PLCXD3: variants seen among roughly 807,000 people sequenced by gnomAD.
PLCXD3 encodes PI-PLC X domain-containing protein 3.
A neutral mutation model predicts 25.5 loss-of-function variants in PLCXD3; 19 were observed. That is an observed-to-expected ratio of 0.75 (90% CI 0.52 to 1.09). The LOEUF (loss-of-function observed/expected upper bound fraction) is 1.09. Among genes scored for constraint, PLCXD3 ranks in the 50% least tolerant of loss-of-function variants. The pLI is 0.00. For synonymous variants in PLCXD3, 174 were observed against 137.6 expected (o/e 1.26, Z -1.85); for missense variants, 411 against 388.1 (o/e 1.06, Z -0.50).
chr5:41,379,940 T>A (rs188557684), intron 2 of PLCXD3, among the ~76,000 whole-genome samples: 1 of 152,060 alleles, frequency 6.6e-6, no homozygotes, highest in East Asian at 1.9e-4. Flanking sequence ...CAATGAATGG[T>A]TGGTAATGTT....
chr5:41,340,886 T>G (rs1295351062), intron 2 of PLCXD3, among the ~76,000 whole-genome samples: 1 of 152,180 alleles, frequency 6.6e-6, no homozygotes, highest in Non-Finnish European at 1.5e-5. Flanking sequence ...CTACTAATAA[T>G]AGAATGTATT....
chr5:41,390,855 C>T (rs1262612978), intron 1 of PLCXD3, among the ~76,000 whole-genome samples: 1 of 152,218 alleles, frequency 6.6e-6, no homozygotes, highest in Non-Finnish European at 1.5e-5. Flanking sequence ...CGCCACTCTT[C>T]CCTACCCTGG....
intron 1 of PLCXD3, among the ~76,000 whole-genome samples, chr5:41,457,369 A>G (rs1057079937): frequency 6.6e-6 from 1 of 151,954 alleles, no homozygotes; most frequent in Admixed American, 6.6e-5. Context: ...TGACTGTGGT[A>G]GATATAGTTA....
Position 41,382,180 on chromosome 5 carries a change from T to C in PLCXD3, c.458A>G (p.Tyr153Cys), listed in dbSNP as rs764548699. The C allele has an allele frequency of 2.5e-6, 4 of 1,613,794 alleles. No individual in the cohort carries two copies. The highest frequency in any genetic ancestry group is 3.4e-6 in the Non-Finnish European group (4 of 1,179,796). ...CATTTGGACCAGTTTTTCATGGTGA[T>C]ATTTCTGCATCCCATAAAAGTGGTT... ...DFNHFYGMQK[Y>C]HHEKLVQMLK... Residue 153 changes from tyrosine to cysteine, a missense_variant, in exon 2 of 3, where the codon TAT (tyrosine) becomes TGT (cysteine). Tyr to Cys is a radical substitution (Grantham distance 194, BLOSUM62 -2). Coordinates refer to ENST00000377801, the MANE Select transcript of PLCXD3 (RefSeq NM_001005473.3).
At chr5:41,477,045 G>A (rs1748298693) in intron 1 of PLCXD3, among the ~76,000 whole-genome samples, 1 of 152,112 alleles carries the variant, frequency 6.6e-6, no homozygotes, top group African/African-American at 2.4e-5. Context: ...CATAAAATAT[G>A]TAAATATAAA....
intron 1 of PLCXD3, among the ~76,000 whole-genome samples, chr5:41,454,204 A>G (rs927478056): frequency 6.6e-6 from 1 of 152,032 alleles, no homozygotes; most frequent in African/African-American, 2.4e-5. Context: ...TAGCTTAGAT[A>G]CAGTCACACT....
At chr5:41,402,002 G>A (rs910338525) in intron 1 of PLCXD3, among the ~76,000 whole-genome samples, 2 of 151,750 alleles carry the variant, frequency 1.3e-5, no homozygotes, top group African/African-American at 2.4e-5. Flanking sequence ...CTTGATGAAT[G>A]CAAGTAGAGA....
chr5:41,428,384 TTTTGTTTTTG>T (rs1747015644), intron 1 of PLCXD3, among the ~76,000 whole-genome samples: 2 of 145,624 alleles, frequency 1.4e-5, no homozygotes, highest in Non-Finnish European at 3.0e-5. Flanking sequence ...GTTTTTTTGT[TTTTGTTTTTG>T]TTTTTTTTAG....
chr5:41,482,588 T>G (rs905209834), intron 1 of PLCXD3, among the ~76,000 whole-genome samples: 1 of 152,100 alleles, frequency 6.6e-6, no homozygotes, highest in Non-Finnish European at 1.5e-5. Context: ...AAACCATGAA[T>G]GAAATAACAA....
intron 2 of PLCXD3, among the ~76,000 whole-genome samples, chr5:41,362,118 G>A (rs562757059): frequency 4.6e-5 from 7 of 152,300 alleles, no homozygotes; most frequent in Non-Finnish European, 7.4e-5. Context: ...ATTTTTACGT[G>A]TAAAAAGCTA....
chr5:41,427,801 C>T (rs1423168440), intron 1 of PLCXD3, among the ~76,000 whole-genome samples: 3 of 152,140 alleles, frequency 2.0e-5, no homozygotes, highest in Admixed American at 1.3e-4. Flanking sequence ...CACATGGGAA[C>T]AACTCTTATG....
At chr5:41,363,331 T>C (rs1365420471) in intron 2 of PLCXD3, among the ~76,000 whole-genome samples, 1 of 152,204 alleles carries the variant, frequency 6.6e-6, no homozygotes, top group East Asian at 1.9e-4. Flanking sequence ...CAGTAAATGT[T>C]CTGTAAATAT....
chr5:41,481,102 T>TAAAAAAAAA (rs554092157), intron 1 of PLCXD3, among the ~76,000 whole-genome samples: 6 of 72,902 alleles, frequency 8.2e-5, no homozygotes, highest in African/African-American at 2.1e-4. Flanking sequence ...ACCTAATTTG[T>TAAAAAAAAA]AAAAAAAAAA....
At chr5:41,358,047 A>G (rs1744668033) in intron 2 of PLCXD3, among the ~76,000 whole-genome samples, 2 of 152,220 alleles carry the variant, frequency 1.3e-5, no homozygotes, top group African/African-American at 2.4e-5. Context: ...TATCCTTACA[A>G]AAATATATTG....
At chr5:41,456,667 G>T in intron 1 of PLCXD3, 1 of 267,688 alleles carries the variant, frequency 3.7e-6, no homozygotes, top group Non-Finnish European at 5.7e-6. Flanking sequence ...AGATGATTAG[G>T]TCCTGAAGGT....
intron 2 of PLCXD3, among the ~76,000 whole-genome samples, chr5:41,320,707 A>G (rs189006823): frequency 1.0e-3 from 157 of 152,306 alleles, no homozygotes; most frequent in African/African-American, 3.2e-3. Context: ...TGTGTTAGCC[A>G]GGATGGTCTC....
chr5:41,500,118 A>G (rs1402315235), intron 1 of PLCXD3, among the ~76,000 whole-genome samples: 1 of 151,900 alleles, frequency 6.6e-6, no homozygotes, highest in Non-Finnish European at 1.5e-5. Flanking sequence ...ACCTGCACTC[A>G]TATGTTTATC....
chr5:41,413,303 T>C (rs1220815244), intron 1 of PLCXD3, among the ~76,000 whole-genome samples: 3 of 152,220 alleles, frequency 2.0e-5, no homozygotes, highest in Non-Finnish European at 4.4e-5. Flanking sequence ...AATTGCAGTG[T>C]CAGACCAGGC....
At chr5:41,415,110 G>A (rs924087081) in intron 1 of PLCXD3, among the ~76,000 whole-genome samples, 7 of 152,120 alleles carry the variant, frequency 4.6e-5, no homozygotes, top group Non-Finnish European at 8.8e-5. Flanking sequence ...TGGGGATCTT[G>A]GAATGTATCC....
Sources: gnomAD v4.1 joint callset for allele counts (sites outside exome capture counted in the v4.1 genomes callset) on GRCh38, gnomAD v4.1.1 for gene constraint, MANE v1.5 for transcripts, NCBI Gene and HGNC (gene_info 2026-07-23, HGNC 2026-07-21) for gene names.